POMP: variants seen among roughly 807,000 people sequenced by gnomAD.
The protein encoded by POMP is 2510048O06Rik.
Under a neutral mutation model 20.6 loss-of-function variants are expected in POMP, and 12 were observed. The observed-to-expected ratio is 0.58, with a 90% CI of 0.37 to 0.94. The LOEUF is 0.94. POMP is among the 40% of genes least tolerant of loss of function. POMP has a pLI of 0.01. For missense variants in POMP, 136 were observed against 161.1 expected, an observed-to-expected ratio of 0.84 and a Z score of 0.84; for synonymous variants, 53 against 55.0, an observed-to-expected ratio of 0.96 and a Z score of 0.16.
intron 3 of POMP, among the ~76,000 whole-genome samples, chr13:28,667,581 A>T (rs1007483734): frequency 2.0e-5 from 3 of 152,240 alleles, no homozygotes; most frequent in Admixed American, 1.3e-4. Flanking sequence ...TTCAAACTTC[A>T]TAGTCATATC....
chr13:28,670,314 A>G (rs139161916), intron 4 of POMP, among the ~76,000 whole-genome samples: 1 of 152,310 alleles, frequency 6.6e-6, no homozygotes, highest in East Asian at 1.9e-4. Context: ...CAGAAATTGG[A>G]TAATTAGCCT....
chr13:28,668,036 C>T (rs959412686), intron 3 of POMP, among the ~76,000 whole-genome samples: 1 of 152,154 alleles, frequency 6.6e-6, no homozygotes, highest in African/African-American at 2.4e-5. Context: ...ATTTAGTGGT[C>T]AGATTATTTC....
chr13:28,675,455 T>C (rs1444535709), intron 5 of POMP, among the ~76,000 whole-genome samples: 1 of 152,156 alleles, frequency 6.6e-6, no homozygotes, highest in African/African-American at 2.4e-5. Flanking sequence ...ATGATTTTTA[T>C]CCACCTGGTA....
In POMP at chr13:28,676,601, C is replaced by G. The variant is rs1299205025; in HGVS notation, c.359-1434C>G. Reference sequence around the variant, plus strand: ...TTTGACACAAAACACAGTGTTAAGTCTATAATCAGAGAGTAGCTTGTTAAT... The same window carrying G: ...TTTGACACAAAACACAGTGTTAAGTGTATAATCAGAGAGTAGCTTGTTAAT... On this transcript the variant is annotated intron_variant, in intron 5 of 5. Coordinates refer to ENST00000380842, the MANE Select transcript of POMP (RefSeq NM_015932.6). Among the ~76,000 whole-genome samples, 2 of 152,066 alleles carry G rather than the reference C, an allele frequency of 1.3e-5. No homozygotes were observed. The highest frequency in any genetic ancestry group is 4.8e-5 in the African/African-American group (2 of 41,386).
At chr13:28,661,987 T>C (rs1884350322) in intron 1 of POMP, among the ~76,000 whole-genome samples, 1 of 152,206 alleles carries the variant, frequency 6.6e-6, no homozygotes, top group East Asian at 1.9e-4. Flanking sequence ...TTCAGAGGCT[T>C]TCAGTTTTGG....
At chr13:28,676,107 C>T (rs1308143561) in intron 5 of POMP, among the ~76,000 whole-genome samples, 5 of 152,206 alleles carry the variant, frequency 3.3e-5, no homozygotes, top group East Asian at 1.9e-4. Context: ...CGGGTTCAAG[C>T]GATTCTCCTG....
At chr13:28,665,493 T>C (rs1340818) in intron 3 of POMP, among the ~76,000 whole-genome samples, 73,540 of 152,046 alleles carry the variant, frequency 0.48, 19,915 homozygotes, top group Non-Finnish European at 0.61. Context: ...AGAGTACACT[T>C]ATAAGTATGT....
rs372287364 is a variant in POMP at position 28,665,138 on chromosome 13, T to A, written c.162+569T>A. 2.6e-5 allele frequency among the ~76,000 whole-genome samples: 4 copies of A among 152,316 alleles called. 1 individual carries two copies. The highest frequency in any genetic ancestry group is 9.6e-5 in the African/African-American group (4 of 41,558). ...GGCTTTATAGAAGAGGAGGGACCTT[T>A]GAACAGTTTTAGACCAGAAAGTTTA... On this transcript the variant is annotated intron_variant, in intron 3 of 5. Transcript: ENST00000380842.
Position 28,678,347 on chromosome 13 carries a change from T to G in POMP, c.*245T>G. 1 of 466,626 alleles carries G rather than the reference T, an allele frequency of 2.1e-6. No individual in the cohort carries two copies. Among genetic ancestry groups the G allele is most frequent in the Non-Finnish European group, 3.9e-6 (1 of 258,748 alleles). The allele number at this position is 466,626 out of a possible 1,614,324, so 28.9% of individuals were successfully genotyped here. A position where few individuals can be genotyped will look rare whatever the true frequency, so the allele number is the denominator to read the frequency against. ...CAGTAGCCTTTGTCTTTAAAAAAGTTGTTGCTCATGAATATTATAAAATGA... is the reference window on the plus strand; with the variant it reads ...CAGTAGCCTTTGTCTTTAAAAAAGTGGTTGCTCATGAATATTATAAAATGA... On this transcript the variant is annotated 3_prime_UTR_variant, in exon 6 of 6. Transcript: ENST00000380842.
intron 5 of POMP, 76 bp from the exon 6 acceptor site, chr13:28,677,959 T>A: frequency 6.9e-7 from 1 of 1,452,458 alleles, no homozygotes; most frequent in South Asian, 1.1e-5. Context: ...TCTTCTGGAT[T>A]CTTATGTAAG....
At chr13:28,675,968 G>A (rs1884620937) in intron 5 of POMP, among the ~76,000 whole-genome samples, 2 of 152,146 alleles carry the variant, frequency 1.3e-5, no homozygotes, top group South Asian at 4.1e-4. Flanking sequence ...GTTCAACTCT[G>A]TGGTCCAGTT....
intron 5 of POMP, among the ~76,000 whole-genome samples, chr13:28,676,383 G>A (rs1350945417): frequency 6.6e-6 from 1 of 151,966 alleles, no homozygotes; most frequent in Non-Finnish European, 1.5e-5. Flanking sequence ...AGTAATCCCC[G>A]CTCTGTCACC....
At chr13:28,669,164 A>C (rs1884498394) in intron 4 of POMP, among the ~76,000 whole-genome samples, 1 of 152,074 alleles carries the variant, frequency 6.6e-6, no homozygotes, top group African/African-American at 2.4e-5. Context: ...TCTCTCATTG[A>C]GTGTGCTTTT....
intron 2 of POMP, 41 bp downstream of exon 2, chr13:28,662,548 G>GTGA: frequency 6.8e-7 from 1 of 1,480,962 alleles, no homozygotes; most frequent in Non-Finnish European, 9.4e-7. Context: ...TTATGTTTCT[G>GTGA]TGAATTTTCA....
chr13:28,668,478 G>C lies in POMP; in HGVS notation c.168G>C (p.Gln56His), dbSNP rs143564326. ...AATTACATTGTCTTTTGTAGTTCCAGCTCAACCAAGATAAAATGAATTTTT... is the reference window on the plus strand; with the variant it reads ...AATTACATTGTCTTTTGTAGTTCCACCTCAACCAAGATAAAATGAATTTTT... ...HPLELSEKNF[Q>H]LNQDKMNFST... The change falls in exon 4 of 6, where the codon CAG becomes CAC. Residue 56 changes from glutamine to histidine, a missense_variant. Gln to His is a conservative substitution (Grantham distance 24, BLOSUM62 0). Transcript: ENST00000380842. 5.1e-5 allele frequency: 81 copies of C among 1,603,388 alleles called. No individual in the cohort carries two copies. In the African/African-American group the frequency reaches 9.9e-4, roughly 20 times the overall value.
intron 5 of POMP, among the ~76,000 whole-genome samples, chr13:28,676,430 A>G (rs1257189152): frequency 6.6e-6 from 1 of 152,156 alleles, no homozygotes; most frequent in African/African-American, 2.4e-5. Flanking sequence ...CACTTATGTG[A>G]TATTTTTCTT....
At chr13:28,673,018 A>G (rs554708580) in intron 5 of POMP, among the ~76,000 whole-genome samples, 1 of 152,066 alleles carries the variant, frequency 6.6e-6, no homozygotes, top group Admixed American at 6.6e-5. Flanking sequence ...TAGCTCCCCA[A>G]AAAAGTAATT....
Position 28,659,201 on chromosome 13 carries a change from C to G in POMP, c.3+14C>G. The G allele has an allele frequency of 6.3e-7, 1 of 1,588,864 alleles. No homozygotes were observed. The highest frequency in any genetic ancestry group is 8.6e-7 in the Non-Finnish European group (1 of 1,168,830). Reference sequence around the variant, plus strand: ...CTGCGGAAGATGGTGAGTGGGTACCCGGGCGGCTGGAGTTCCACGCGGGCT... The same window carrying G: ...CTGCGGAAGATGGTGAGTGGGTACCGGGGCGGCTGGAGTTCCACGCGGGCT... On this transcript the variant is annotated intron_variant, in intron 1 of 5. Coordinates refer to ENST00000380842, the MANE Select transcript of POMP (RefSeq NM_015932.6).
intron 5 of POMP, 145 bp from the exon 6 acceptor site, chr13:28,677,890 C>G (rs1884655844): frequency 1.3e-6 from 1 of 789,622 alleles, no homozygotes; most frequent in Non-Finnish European, 2.1e-6. Flanking sequence ...AGTCAGTCAC[C>G]CCACCCCAGC....
Sources: allele counts gnomAD v4.1 joint callset (sites outside exome capture counted in the v4.1 genomes callset), GRCh38; gene constraint gnomAD v4.1.1; transcripts MANE v1.5; gene names NCBI Gene and HGNC (gene_info 2026-07-23, HGNC 2026-07-21).